Variants in SERPINB1 observed in about 807,000 individuals in gnomAD.
SERPINB1 encodes serpin family B member 1.
In SERPINB1, 23 loss-of-function variants were observed where a neutral mutation model predicts 25.9. That is an observed-to-expected ratio of 0.89 (90% CI 0.64 to 1.26). The LOEUF is 1.26. Among genes scored for constraint, SERPINB1 ranks in the 50% most tolerant of loss-of-function variants. SERPINB1 has a pLI of 0.00. For synonymous variants in SERPINB1, 178 were observed against 178.7 expected (o/e 1.00, Z 0.03); for missense variants, 399 against 463.6 (o/e 0.86, Z 1.28).
At position 2,833,984 on chromosome 6, in the gene SERPINB1, A is replaced by T; in HGVS notation, c.764T>A (p.Leu255Ter). Residue 255 changes from leucine (L) to a stop codon, truncating the protein, a stop_gained, in exon 7 of 7, where the codon TTG (leucine) becomes TAG (stop). Coordinates refer to ENST00000380739, the MANE Select transcript of SERPINB1 (RefSeq NM_030666.4). LOFTEE classifies it low-confidence loss of function (END_TRUNC). ...ATTCTCAGGTTTAGTCCACTCATGC[A>T]ACTTTTCCAAAGTCAACTGTTCCTC... is the stretch of plus-strand genomic sequence containing the variant. ...KIEEQLTLEK[L>*]HEWTKPENLD... The T allele has an allele frequency of 6.2e-7, 1 of 1,603,196 alleles. No homozygotes were observed. Among genetic ancestry groups the T allele is most frequent in the Non-Finnish European group, 8.5e-7 (1 of 1,174,230 alleles).
In SERPINB1 at chr6:2,833,742, C is replaced by T. The variant is rs1475196786; in HGVS notation, c.1006G>A (p.Ala336Thr). Residue 336 changes from alanine to threonine, a missense_variant, in exon 7 of 7, where the codon GCC (alanine) becomes ACC (threonine). Transcript: ENST00000380739. ...CAGAAAGTTGCGATGCCTGCTGTGG[C>T]AGCTGCCGCCTCTGTTCCCTCTTCA... The part of the protein sequence containing the change: ...VNEEGTEAAA[A>T]TAGIATFCML... 3 of 1,613,754 alleles carry T rather than the reference C, an allele frequency of 1.9e-6. No individual in the cohort carries two copies. Among genetic ancestry groups the T allele is most frequent in the Non-Finnish European group, 2.5e-6 (3 of 1,179,972 alleles).
rs760976996 is a variant in SERPINB1, at chr6:2,840,556, A to G, written c.31T>C (p.Phe11Leu). The change falls in exon 2 of 7, where the codon TTC becomes CTC. Residue 11 changes from phenylalanine (F) to leucine (L), a missense_variant. Transcript: ENST00000380739. ...AACGCCAGGAACAGGTCCAAGGCGA[A>G]GCGGGTGTTTGCTGAGCTCAGCTGC... MEQLSSANTR[F>L]ALDLFLALSE... 6.2e-6 allele frequency: 10 copies of G among 1,613,912 alleles called. No homozygotes were observed. The Admixed American group carries it at 1.3e-4, about 22-fold the overall frequency.
At chr6:2,834,412 C>T (rs1165130186) in intron 6 of SERPINB1, among the ~76,000 whole-genome samples, 1 of 150,486 alleles carries the variant, frequency 6.6e-6, no homozygotes, top group Admixed American at 6.6e-5. Flanking sequence ...CCCATCCAAC[C>T]ATCTATCCAC....
Position 2,841,301 on chromosome 6 carries a change from C to T in SERPINB1, c.-9+511G>A, listed in dbSNP as rs1264771118. ...CCACTCTCAGAGCCCTGATTTCCCC[C>T]GAGGACAGGCAAAGAAGAACCGTGC... On this transcript the variant is annotated intron_variant, in intron 1 of 6. Transcript: ENST00000380739. The surrounding 1 kb of genome is among the most constrained non-coding windows in gnomAD (Gnocchi z 4.5). 1 of 152,224 alleles carries T rather than the reference C, an allele frequency of 6.6e-6. No homozygotes were observed. The highest frequency in any genetic ancestry group is 1.5e-5 in the Non-Finnish European group (1 of 68,126). 9.4% of individuals were successfully genotyped at this position (152,224 alleles called of 1,614,324 possible).
At chr6:2,839,539 G>T in intron 2 of SERPINB1, 1 of 943,100 alleles carries the variant, frequency 1.1e-6, no homozygotes, top group South Asian at 4.9e-5. Flanking sequence ...CATTTAAAAT[G>T]CTTTCATATC....
rs1369442401 is a variant in SERPINB1, at chr6:2,833,611, AG to A, written c.1136del (p.Pro379LeufsTer7). 1 of 1,601,522 alleles carries A rather than the reference AG, an allele frequency of 6.2e-7. No homozygotes were observed. The highest frequency in any genetic ancestry group is 1.7e-5 in the Admixed American group (1 of 58,086). On this transcript the variant is annotated frameshift_variant, in exon 7 of 7. Transcript: ENST00000380739. LOFTEE classifies it high-confidence loss of function. ...GTATTGCTACAGTCTCTTTCTTCTA[AG>A]GGGAAGAAAATCTCCCCAAGAATAG... ...SILFLGRFSS[P>X] is the part of the protein sequence containing the mutation.
chr6:2,837,836 A>G lies in SERPINB1; in HGVS notation c.424+46T>C, dbSNP rs1221482587. ...TAGGGAAGGCGGACTGAGGAAACGA[A>G]TGACATGACCAGCGCATAATGATTC... On this transcript the variant is annotated intron_variant, in intron 4 of 6. Transcript: ENST00000380739. This position sits in a 1 kb window ranked among gnomAD's most constrained non-coding sequence, Gnocchi z 4.3. 9 of 1,395,424 alleles carry G rather than the reference A, an allele frequency of 6.4e-6. No individual in the cohort carries two copies. The highest frequency in any genetic ancestry group is 3.1e-6 in the Non-Finnish European group (3 of 981,994). 86.4% of individuals were successfully genotyped at this position (1,395,424 alleles called of 1,614,324 possible). A position where few individuals can be genotyped will look rare whatever the true frequency, so the allele number is the denominator to read the frequency against.
At position 2,833,844 on chromosome 6, in the gene SERPINB1, C is replaced by G; in HGVS notation, c.904G>C (p.Ala302Pro). The G allele has an allele frequency of 6.2e-7, 1 of 1,614,112 alleles. No homozygotes were observed. Among genetic ancestry groups the G allele is most frequent in the Admixed American group, 1.7e-5 (1 of 60,012 alleles). Reference sequence around the variant, plus strand: ...GCTCCTGACATGCCAGACAGATCAGCCTTGCTACTGTTAAAGAGATCCTGC... The same window carrying G: ...GCTCCTGACATGCCAGACAGATCAGGCTTGCTACTGTTAAAGAGATCCTGC... Reference protein sequence around the residue: ...GVQDLFNSSKADLSGMSGARD... With the variant: ...GVQDLFNSSKPDLSGMSGARD... The change falls in exon 7 of 7, where the codon GCT (alanine) becomes CCT (proline). Residue 302 changes from alanine to proline, a missense_variant. By Grantham distance (27) the Ala-to-Pro change is conservative (BLOSUM62 -1). Transcript: ENST00000380739.
intron 1 of SERPINB1, 21 bp from the exon 2 acceptor site, chr6:2,840,615 C>G (rs372659210): frequency 1.2e-5 from 19 of 1,581,574 alleles, no homozygotes; most frequent in Non-Finnish European, 1.6e-5. Flanking sequence ...GAACAGGGTC[C>G]TCATGGTGCC....
Position 2,833,372 on chromosome 6 carries a change from A to T in SERPINB1, c.*236T>A. ...CGGATGTATTCTTTTCTTCTTCTTTACTTGATGCATTCAAAAGCAACCACT... is the reference window on the plus strand; with the variant it reads ...CGGATGTATTCTTTTCTTCTTCTTTTCTTGATGCATTCAAAAGCAACCACT... On this transcript the variant is annotated 3_prime_UTR_variant, in exon 7 of 7. Transcript: ENST00000380739. 1 of 437,766 alleles carries T rather than the reference A, an allele frequency of 2.3e-6. No individual in the cohort carries two copies. The highest frequency in any genetic ancestry group is 4.0e-6 in the Non-Finnish European group (1 of 248,138). The allele number at this position is 437,766 out of a possible 1,614,324, so 27.1% of individuals were successfully genotyped here.
intron 2 of SERPINB1, chr6:2,839,477 CA>C (rs1766584695): frequency 1.0e-6 from 1 of 983,890 alleles, no homozygotes; most frequent in Non-Finnish European, 1.2e-6. Context: ...CTGCAAGAAG[CA>C]ACTAACAATT....
chr6:2,840,940 G>A (rs1362195623), intron 1 of SERPINB1, among the ~76,000 whole-genome samples: 1 of 152,106 alleles, frequency 6.6e-6, no homozygotes, highest in Non-Finnish European at 1.5e-5. Context: ...ACCCAGCCCT[G>A]GGTCTTCCCA....
In SERPINB1 at chr6:2,841,370, T is replaced by A. The variant is rs948392479; in HGVS notation, c.-9+442A>T. 1 of 152,296 alleles carries A rather than the reference T, an allele frequency of 6.6e-6. No individual in the cohort carries two copies. The highest frequency in any genetic ancestry group is 2.4e-5 in the African/African-American group (1 of 41,444). The allele number at this position is 152,296 out of a possible 1,614,324, so 9.4% of individuals were successfully genotyped here. ...GCACAAAGCTGATTTCTCCTTGTTG[T>A]GAAATCGTCTCTAGAATCGCACGGG... On this transcript the variant is annotated intron_variant, in intron 1 of 6. Coordinates refer to ENST00000380739, the MANE Select transcript of SERPINB1 (RefSeq NM_030666.4). The surrounding 1 kb of genome is among the most constrained non-coding windows in gnomAD (Gnocchi z 4.5).
rs1766635383 is a variant in SERPINB1 at position 2,841,002 on chromosome 6, T to C, written c.-8-408A>G. ...CTGAGCCTTTGATTCAAGTCTCTGA[T>C]TCATTGGGCAATGAATCCATTGCCT... On this transcript the variant is annotated intron_variant, in intron 1 of 6. Transcript: ENST00000380739. This position sits in a 1 kb window ranked among gnomAD's most constrained non-coding sequence, Gnocchi z 4.5. Among the ~76,000 whole-genome samples the C allele has an allele frequency of 6.6e-6, 1 of 152,142 alleles. No individual in the cohort carries two copies. The highest frequency in any genetic ancestry group is 2.1e-4 in the South Asian group (1 of 4,830).
chr6:2,840,611 G>C lies in SERPINB1; in HGVS notation c.-8-17C>G. 1.9e-6 allele frequency: 3 copies of C among 1,585,140 alleles called. No homozygotes were observed. Among genetic ancestry groups the C allele is most frequent in the Non-Finnish European group, 2.6e-6 (3 of 1,165,332 alleles). Reference sequence around the variant, plus strand: ...TGGTGAAAACTGCAACACAGAACAGGGTCCTCATGGTGCCCACTGCCCACG... The same window carrying C: ...TGGTGAAAACTGCAACACAGAACAGCGTCCTCATGGTGCCCACTGCCCACG... On this transcript the variant is annotated splice_polypyrimidine_tract_variant and intron_variant, in intron 1 of 6. Transcript: ENST00000380739.
Position 2,837,953 on chromosome 6 carries a change from C to A in SERPINB1, c.353G>T (p.Ser118Ile). The part of the protein sequence containing the change: ...TQKTYGADLA[S>I]VDFQHASEDA... ...TTCAGAGGCATGCTGAAAATCCACA[C>A]TGGCCAGGTCAGCACCATATGTTTT... Residue 118 changes from serine to isoleucine, a missense_variant, in exon 4 of 7, where the codon AGT (serine) becomes ATT (isoleucine). By Grantham distance (142) the Ser-to-Ile change is moderately radical (BLOSUM62 -2). Transcript: ENST00000380739. The surrounding 1 kb of genome is among the most constrained non-coding windows in gnomAD (Gnocchi z 4.3). 1 of 1,614,114 alleles carries A rather than the reference C, an allele frequency of 6.2e-7. No homozygotes were observed. The highest frequency in any genetic ancestry group is 1.7e-5 in the Admixed American group (1 of 60,016).
intron 3 of SERPINB1, among the ~76,000 whole-genome samples, chr6:2,838,241 G>A (rs969418007): frequency 9.2e-5 from 14 of 152,040 alleles, no homozygotes; most frequent in African/African-American, 3.4e-4. Context: ...TACTGTTGTT[G>A]TTATATAGAA....
At chr6:2,838,493 G>A in intron 3 of SERPINB1, 56 bp downstream of exon 3, 1 of 1,394,428 alleles carries the variant, frequency 7.2e-7, no homozygotes, top group Admixed American at 2.7e-5. Flanking sequence ...TGATTGTGCT[G>A]GAAAATATCT....
intron 6 of SERPINB1, among the ~76,000 whole-genome samples, chr6:2,834,315 CCAT>C (rs1766425828): frequency 1.3e-5 from 2 of 151,582 alleles, no homozygotes; most frequent in South Asian, 2.1e-4. Context: ...ATCCATCCAT[CCAT>C]CCATCCATCC....
Sources: gnomAD v4.1 joint callset for allele counts (sites outside exome capture counted in the v4.1 genomes callset) on GRCh38, gnomAD v4.1.1 for gene constraint, Gnocchi (gnomAD v3.1) non-coding constraint, MANE v1.5 for transcripts, NCBI Gene and HGNC (gene_info 2026-07-23, HGNC 2026-07-21) for gene names.